WDR72: variants seen among roughly 807,000 people sequenced by gnomAD.
The protein encoded by WDR72 is WD repeat-containing protein 72.
A neutral mutation model predicts 124.2 loss-of-function variants in WDR72; 120 were observed. The observed-to-expected ratio is 0.97, with a 90% confidence interval of 0.83 to 1.12. The LOEUF is 1.12. Ranked by LOEUF, WDR72 falls within the 50% of genes most tolerant of loss-of-function variation. WDR72 has a pLI of 0.00. For missense variants in WDR72, 1,387 were observed against 1,278.8 expected, an observed-to-expected ratio of 1.08 and a Z score of -1.29; for synonymous variants, 452 against 441.7, an observed-to-expected ratio of 1.02 and a Z score of -0.29.
intron 18 of WDR72, among the ~76,000 whole-genome samples, chr15:53,560,644 G>A (rs1429021188): frequency 6.6e-6 from 1 of 151,744 alleles, no homozygotes; most frequent in Non-Finnish European, 1.5e-5. Context: ...CTTTAGATAA[G>A]ACATAAATAA....
At chr15:53,571,808 A>G (rs1292945476) in intron 18 of WDR72, among the ~76,000 whole-genome samples, 3 of 150,368 alleles carry the variant, frequency 2.0e-5, no homozygotes, top group African/African-American at 7.4e-5. Context: ...ACTGCTTTCC[A>G]TAATGGTTGT....
intron 1 of WDR72, among the ~76,000 whole-genome samples, chr15:53,750,959 C>A (rs1217996038): frequency 6.6e-6 from 1 of 152,140 alleles, no homozygotes; most frequent in Non-Finnish European, 1.5e-5. Context: ...GGTGAAGATG[C>A]TATGAACATA....
At chr15:53,614,720 G>T (rs968095568) in intron 15 of WDR72, among the ~76,000 whole-genome samples, 1 of 151,806 alleles carries the variant, frequency 6.6e-6, no homozygotes, top group East Asian at 1.9e-4. Flanking sequence ...AATCAAACTG[G>T]TTACCAGCCT....
upstream of WDR72, chr15:53,762,542 C>G (rs143503818): frequency 6.6e-5 from 10 of 152,376 alleles, no homozygotes; most frequent in East Asian, 1.9e-3. Flanking sequence ...TCCCAGCCAT[C>G]AACTCTTTAA....
intron 9 of WDR72, among the ~76,000 whole-genome samples, chr15:53,710,246 T>C (rs1428511626): frequency 6.6e-6 from 1 of 152,182 alleles, no homozygotes; most frequent in African/African-American, 2.4e-5. Context: ...TTTCATAAAG[T>C]TTAAAAATTG....
intron 18 of WDR72, among the ~76,000 whole-genome samples, chr15:53,536,483 A>G (rs920550169): frequency 3.3e-5 from 5 of 152,150 alleles, no homozygotes; most frequent in South Asian, 2.1e-4. Context: ...CATGGGGCTC[A>G]TCGGTCGACC....
chr15:53,661,975 C>A (rs570055311), intron 14 of WDR72, among the ~76,000 whole-genome samples: 6 of 152,064 alleles, frequency 3.9e-5, no homozygotes, highest in Non-Finnish European at 5.9e-5. Flanking sequence ...ATTTTACAGA[C>A]AAGAAATGCA....
chr15:53,667,550 A>C (rs1003298045), intron 13 of WDR72, among the ~76,000 whole-genome samples: 4 of 152,212 alleles, frequency 2.6e-5, no homozygotes, highest in Admixed American at 6.5e-5. Flanking sequence ...AAGACTGACA[A>C]TAGGAAAAGC....
chr15:53,553,405 T>C (rs1893814300), intron 18 of WDR72, among the ~76,000 whole-genome samples: 1 of 152,132 alleles, frequency 6.6e-6, no homozygotes, highest in Non-Finnish European at 1.5e-5. Context: ...AGTGTTTTCG[T>C]GTTATGTAGC....
intron 14 of WDR72, among the ~76,000 whole-genome samples, chr15:53,619,848 A>C (rs1011169944): frequency 1.3e-5 from 2 of 152,118 alleles, no homozygotes; most frequent in African/African-American, 2.4e-5. Flanking sequence ...CATTATTTTC[A>C]AAGATAAATT....
chr15:53,680,868 G>A (rs1291814491), intron 13 of WDR72, among the ~76,000 whole-genome samples: 2 of 152,140 alleles, frequency 1.3e-5, no homozygotes, highest in Admixed American at 1.3e-4. Flanking sequence ...AAAAGGACTG[G>A]GGAAAGTGGT....
At chr15:53,553,285 C>T (rs933039047) in intron 18 of WDR72, among the ~76,000 whole-genome samples, 1 of 152,144 alleles carries the variant, frequency 6.6e-6, no homozygotes, top group African/African-American at 2.4e-5. Flanking sequence ...GACCTGTTGA[C>T]CTGATGACCC....
At chr15:53,547,643 C>G (rs1196570876) in intron 18 of WDR72, among the ~76,000 whole-genome samples, 1 of 152,156 alleles carries the variant, frequency 6.6e-6, no homozygotes, top group Non-Finnish European at 1.5e-5. Context: ...AAGAACTACA[C>G]CAGCCTTTTT....
intron 14 of WDR72, among the ~76,000 whole-genome samples, chr15:53,623,728 T>C (rs2014097362): frequency 6.6e-6 from 1 of 152,194 alleles, no homozygotes; most frequent in Non-Finnish European, 1.5e-5. Context: ...CCACACTGCC[T>C]TCCACAGTAG....
chr15:53,672,900 C>T (rs1003343685), intron 13 of WDR72, among the ~76,000 whole-genome samples: 1 of 152,060 alleles, frequency 6.6e-6, no homozygotes, highest in South Asian at 2.1e-4. Flanking sequence ...GAGACTGAGG[C>T]GGGCTAATCC....
At chr15:53,539,013 C>G (rs1048261475) in intron 18 of WDR72, among the ~76,000 whole-genome samples, 3 of 151,896 alleles carry the variant, frequency 2.0e-5, no homozygotes, top group Non-Finnish European at 4.4e-5. Context: ...ATAAGTGGGT[C>G]AAGTTACTCA....
Position 53,514,706 on chromosome 15 carries a change from G to C in WDR72, c.*2993C>G, listed in dbSNP as rs988821499. The C allele has an allele frequency of 6.6e-6, 1 of 152,006 alleles. No homozygotes were observed. Among genetic ancestry groups the C allele is most frequent in the Non-Finnish European group, 1.5e-5 (1 of 68,002 alleles). 9.4% of individuals were successfully genotyped at this position (152,006 alleles called of 1,614,324 possible). On this transcript the variant is annotated 3_prime_UTR_variant, in exon 20 of 20. Transcript: ENST00000360509. ...ACCTGGGGCTACTTTTTAACTGTGT[G>C]TTTCTAACATTATACATTTTTCCTT...
chr15:53,688,594 C>G (rs927832398), intron 13 of WDR72, among the ~76,000 whole-genome samples: 1 of 152,190 alleles, frequency 6.6e-6, no homozygotes, highest in Non-Finnish European at 1.5e-5. Flanking sequence ...ACATTCCATG[C>G]TCATGGGTAG....
rs1383543573 is a variant in WDR72 at position 53,705,968 on chromosome 15, A to G, written c.1061T>C (p.Ile354Thr). 1.2e-6 allele frequency: 2 copies of G among 1,614,032 alleles called. No homozygotes were observed. The highest frequency in any genetic ancestry group is 1.7e-5 in the Admixed American group (1 of 60,000). ...EVSGRITLWH[I>T]PDVPVSKFDG... is the part of the protein sequence containing the mutation. ...AAACTTGGATACAGGAACATCAGGG[A>G]TGTGCCACAAAGTAATTCTTCCTGA... Residue 354 changes from isoleucine (I) to threonine (T), a missense_variant, in exon 10 of 20, where the codon ATC becomes ACC. Coordinates refer to ENST00000360509, the MANE Select transcript of WDR72 (RefSeq NM_182758.4).
Sources: allele counts gnomAD v4.1 joint callset (sites outside exome capture counted in the v4.1 genomes callset), GRCh38; gene constraint gnomAD v4.1.1; transcripts MANE v1.5; gene names NCBI Gene and HGNC (gene_info 2026-07-23, HGNC 2026-07-21).